Variants in ZSCAN2 observed in about 807,000 individuals in gnomAD.
ZSCAN2 encodes zinc finger and SCAN domain containing 2.
Under a neutral mutation model 47.8 loss-of-function variants are expected in ZSCAN2, and 26 were observed. That is an observed-to-expected ratio of 0.54 (90% CI 0.40 to 0.75). The LOEUF (loss-of-function observed/expected upper bound fraction) is 0.75. Among genes scored for constraint, ZSCAN2 ranks in the 30% least tolerant of loss-of-function variants. The probability of loss-of-function intolerance (pLI) is 0.00; values close to 1 mark genes in which losing one functional copy is unlikely to be tolerated. For missense variants in ZSCAN2, 732 were observed against 785.4 expected, an observed-to-expected ratio of 0.93 and a Z score of 0.81; for synonymous variants, 305 against 288.7, an observed-to-expected ratio of 1.06 and a Z score of -0.57.
rs763765785 is a variant in ZSCAN2 at position 84,621,571 on chromosome 15, C to G, written c.1376C>G (p.Ser459Cys). The change falls in exon 3 of 3, where the codon TCC (serine) becomes TGC (cysteine). Residue 459 changes from serine (S) to cysteine (C), a missense_variant. Ser to Cys is a moderately radical substitution (Grantham distance 112). This residue lies in a region of ZSCAN2 where 412 missense variants were observed against 498.0 expected (regional missense o/e 0.83). Transcript: ENST00000546148. The surrounding 1 kb of genome is among the most constrained non-coding windows in gnomAD (Gnocchi z 5.7). ...TGTGGGAAGAGCTTCAGCCAGAGCT[C>G]CAGTCTGATTGCACACCAGGGCATG... The part of the protein sequence containing the change: ...GVCGKSFSQS[S>C]SLIAHQGMHT... 7 of 1,614,012 alleles carry G rather than the reference C, an allele frequency of 4.3e-6. No individual in the cohort carries two copies. The South Asian group carries it at 7.7e-5, about 18-fold the overall frequency.
intron 2 of ZSCAN2, among the ~76,000 whole-genome samples, chr15:84,620,350 G>A (rs759348172): frequency 1.2e-4 from 18 of 152,216 alleles, no homozygotes; most frequent in Non-Finnish European, 2.1e-4. Context: ...TCATTGATGG[G>A]CATTTGGGTT....
At chr15:84,611,196 C>G (rs1487798642) in intron 2 of ZSCAN2, among the ~76,000 whole-genome samples, 1 of 152,050 alleles carries the variant, frequency 6.6e-6, no homozygotes, top group Non-Finnish European at 1.5e-5. Context: ...ACTGGGGAGG[C>G]TAAGTTAGGA....
At chr15:84,608,350 T>C (rs1365231704) in intron 2 of ZSCAN2, among the ~76,000 whole-genome samples, 1 of 151,590 alleles carries the variant, frequency 6.6e-6, no homozygotes, top group Non-Finnish European at 1.5e-5. Context: ...GCCAACATAG[T>C]GAAACCCTGT....
In ZSCAN2 at chr15:84,612,792, A is replaced by C. The variant is rs143192315; in HGVS notation, c.407-7810A>C. Among the ~76,000 whole-genome samples the C allele has an allele frequency of 5.3e-4, 80 of 152,260 alleles. 1 individual carries two copies. In the East Asian group the frequency reaches 0.015, roughly 28 times the overall value. On this transcript the variant is annotated intron_variant, in intron 2 of 2. Coordinates refer to ENST00000546148, the MANE Select transcript of ZSCAN2 (RefSeq NM_181877.4). ...AACCAAAATTGGGGTTGGGAGGAAT[A>C]AGGTGGTTTTATAGGATATGTTCTT...
In ZSCAN2 at chr15:84,621,098, G is replaced by A. The variant is rs148213446; in HGVS notation, c.903G>A (p.Thr301=). 109 of 1,613,682 alleles carry A rather than the reference G, an allele frequency of 6.8e-5. No individual in the cohort carries two copies. The highest frequency in any genetic ancestry group is 4.5e-4 in the African/African-American group (34 of 74,800). ...ANLITHQRIH[T]GEKPFQCAEC... is the part of the protein sequence containing the mutation. ...TCATAACCCACCAGAGGATCCACAC[G>A]GGGGAAAAGCCCTTCCAGTGTGCCG... The change falls in exon 3 of 3, where the codon ACG becomes ACA. Residue 301 remains threonine (T), a synonymous_variant. Coordinates refer to ENST00000546148, the MANE Select transcript of ZSCAN2 (RefSeq NM_181877.4). The surrounding 1 kb of genome is among the most constrained non-coding windows in gnomAD (Gnocchi z 5.7).
Position 84,623,174 on chromosome 15 carries a change from G to T in ZSCAN2, c.*1134G>T, listed in dbSNP as rs371656895. 1 of 155,692 alleles carries T rather than the reference G, an allele frequency of 6.4e-6. No individual in the cohort carries two copies. Among genetic ancestry groups the T allele is most frequent in the South Asian group, 1.8e-4 (1 of 5,676 alleles). The allele number at this position is 155,692 out of a possible 1,614,324, so 9.6% of individuals were successfully genotyped here. A position where few individuals can be genotyped will look rare whatever the true frequency, so the allele number is the denominator to read the frequency against. On this transcript the variant is annotated 3_prime_UTR_variant, in exon 3 of 3. Transcript: ENST00000546148. ...GCCATCTCAGCTCACTGCAAGCTCC[G>T]CCTCCCGGGTTCACGCCATTCTCCT... is the stretch of plus-strand genomic sequence containing the variant.
intron 2 of ZSCAN2, among the ~76,000 whole-genome samples, chr15:84,616,026 G>T (rs1895683928): frequency 6.6e-6 from 1 of 152,062 alleles, no homozygotes; most frequent in South Asian, 2.1e-4. Context: ...TTGAGGTCAG[G>T]AGTTCGAGAC....
At chr15:84,609,363 C>A (rs1276703652) in intron 2 of ZSCAN2, among the ~76,000 whole-genome samples, 1 of 149,686 alleles carries the variant, frequency 6.7e-6, no homozygotes, top group Admixed American at 6.6e-5. Flanking sequence ...ACTCTGTCAA[C>A]CCAGGCTGGA....
At chr15:84,616,525 C>CT in intron 2 of ZSCAN2, 1 of 1,343,058 alleles carries the variant, frequency 7.4e-7, no homozygotes, top group Admixed American at 3.7e-5. Context: ...ACCCAGTCTG[C>CT]TGTTTTGGGA....
rs780089820 is a variant in ZSCAN2 at position 84,621,963 on chromosome 15, G to T, written c.1768G>T (p.Glu590Ter). The change falls in exon 3 of 3, where the codon GAG (glutamate) becomes TAG (stop). Residue 590 changes from glutamate (E) to a stop codon, truncating the protein, a stop_gained. Transcript: ENST00000546148. LOFTEE classifies it high-confidence loss of function. The surrounding 1 kb of genome is among the most constrained non-coding windows in gnomAD (Gnocchi z 5.7). ...TGGGGAGAAGCCCTACAAATGCCCC[G>T]AGTGTGGCAAAGGCTTCAGCAACAG... ...HTGEKPYKCP[E>*]CGKGFSNSSN... 1 of 1,614,188 alleles carries T rather than the reference G, an allele frequency of 6.2e-7. No homozygotes were observed. The highest frequency in any genetic ancestry group is 8.5e-7 in the Non-Finnish European group (1 of 1,180,036).
intron 1 of ZSCAN2, among the ~76,000 whole-genome samples, chr15:84,602,587 C>CTTTTTTT (rs981357914): frequency 1.6e-4 from 19 of 115,732 alleles, no homozygotes; most frequent in Admixed American, 2.0e-4. Flanking sequence ...CTTTTCTTTT[C>CTTTTTTT]TTTTTTTTTT....
rs137938531 is a variant in ZSCAN2, at chr15:84,621,928, G to A, written c.1733G>A (p.Arg578Gln). Residue 578 changes from arginine (R) to glutamine (Q), a missense_variant, in exon 3 of 3, where the codon CGA (arginine) becomes CAA (glutamine). Physicochemically the swap from Arg to Gln is conservative, Grantham distance 43. Around this residue, in one of 2 missense-constraint regions of ZSCAN2, gnomAD observed 412 missense variants for 498.0 expected, o/e 0.83. Transcript: ENST00000546148. This position sits in a 1 kb window ranked among gnomAD's most constrained non-coding sequence, Gnocchi z 5.7. ...AACTCAGTCCTCATTATACATCAGC[G>A]AATCCACACTGGGGAGAAGCCCTAC... is the stretch of plus-strand genomic sequence containing the variant. ...SWNSVLIIHQ[R>Q]IHTGEKPYKC... The A allele has an allele frequency of 2.8e-5, 46 of 1,614,142 alleles. No individual in the cohort carries two copies. Among genetic ancestry groups the A allele is most frequent in the African/African-American group, 4.0e-5 (3 of 75,018 alleles).
chr15:84,613,416 G>T (rs1895608364), intron 2 of ZSCAN2, among the ~76,000 whole-genome samples: 1 of 152,102 alleles, frequency 6.6e-6, no homozygotes, highest in Non-Finnish European at 1.5e-5. Flanking sequence ...TGCCTCCTGG[G>T]TTCAAGCAAT....
intron 2 of ZSCAN2, among the ~76,000 whole-genome samples, chr15:84,610,812 AC>A (rs904292592): frequency 2.0e-5 from 3 of 152,094 alleles, no homozygotes; most frequent in African/African-American, 7.2e-5. Flanking sequence ...CATATAAAAA[AC>A]GATACTGTGA....
chr15:84,619,927 G>GTTTTT (rs1179673185), intron 2 of ZSCAN2, among the ~76,000 whole-genome samples: 3 of 72,886 alleles, frequency 4.1e-5, no homozygotes, highest in African/African-American at 6.6e-5. Flanking sequence ...GCCTGGGTTG[G>GTTTTT]TTTTTTTTTT....
Position 84,604,053 on chromosome 15 carries a change from A to G in ZSCAN2, c.126A>G (p.Gln42=). The part of the protein sequence containing the change: ...TMILEDDSWV[Q]EAVLQEDGPE... Reference sequence around the variant, plus strand: ...TCCTGGAGGATGACTCCTGGGTGCAAGAAGCTGTGCTGCAGGAGGATGGCC... The same window carrying G: ...TCCTGGAGGATGACTCCTGGGTGCAGGAAGCTGTGCTGCAGGAGGATGGCC... Residue 42 remains glutamine (Q), a synonymous_variant, in exon 2 of 3, where the codon CAA becomes CAG. Transcript: ENST00000546148. The G allele has an allele frequency of 6.2e-7, 1 of 1,614,102 alleles. No homozygotes were observed. The highest frequency in any genetic ancestry group is 1.1e-5 in the South Asian group (1 of 91,076).
At chr15:84,606,718 C>A in intron 2 of ZSCAN2, 1 of 1,440,862 alleles carries the variant, frequency 6.9e-7, no homozygotes, top group Non-Finnish European at 9.1e-7. Context: ...ACAGCCCTTC[C>A]CATCCACCTT....
chr15:84,619,885 A>T (rs564972902), intron 2 of ZSCAN2, among the ~76,000 whole-genome samples: 1 of 149,836 alleles, frequency 6.7e-6, no homozygotes, highest in Non-Finnish European at 1.5e-5. Context: ...CACAAAGATT[A>T]TGAGGCCTGA....
At chr15:84,616,506 A>C in intron 2 of ZSCAN2, 1 of 1,373,392 alleles carries the variant, frequency 7.3e-7, no homozygotes, top group Non-Finnish European at 9.4e-7. Flanking sequence ...TTCCTTCCTC[A>C]TTGCTTTTAC....
Sources: allele counts gnomAD v4.1 joint callset (sites outside exome capture counted in the v4.1 genomes callset), GRCh38; gene constraint gnomAD v4.1.1; regional missense constraint gnomAD v4.1.1; non-coding constraint Gnocchi (gnomAD v3.1); transcripts MANE v1.5; gene names NCBI Gene and HGNC (gene_info 2026-07-23, HGNC 2026-07-21).